Variants in NOL4 observed in about 807,000 individuals in gnomAD.
The protein encoded by NOL4 is cancer/testis antigen 125.
A neutral mutation model predicts 75.9 loss-of-function variants in NOL4; 17 were observed. The ratio of observed to expected loss-of-function variants is 0.22; its 90% CI spans 0.15 to 0.34. The LOEUF (loss-of-function observed/expected upper bound fraction) is 0.34, where lower values mean the gene tolerates loss of function less well. NOL4 is among the 10% of genes least tolerant of loss of function. The pLI is 1.00. For missense variants in NOL4, 614 were observed against 793.5 expected (o/e 0.77, Z 2.72); for synonymous variants, 292 against 289.9 (o/e 1.01, Z -0.07).
At chr18:33,887,183 A>T (rs1384157683) in intron 9 of NOL4, among the ~76,000 whole-genome samples, 1 of 146,250 alleles carries the variant, frequency 6.8e-6, no homozygotes, top group Non-Finnish European at 1.5e-5. Flanking sequence ...TGTATCTATT[A>T]TATACCCACA....
chr18:33,868,874 T>C (rs1214422928), intron 10 of NOL4, among the ~76,000 whole-genome samples: 3 of 152,048 alleles, frequency 2.0e-5, no homozygotes, highest in East Asian at 3.9e-4. Flanking sequence ...CTGTTAAGGA[T>C]ACTATAATAT....
chr18:33,996,050 C>A (rs539825990), intron 6 of NOL4, among the ~76,000 whole-genome samples: 1 of 151,130 alleles, frequency 6.6e-6, no homozygotes, highest in African/African-American at 2.4e-5. Context: ...TCTACTTCAG[C>A]TAATATCATA....
chr18:33,877,022 G>C (rs999288262), intron 10 of NOL4, among the ~76,000 whole-genome samples: 7 of 152,018 alleles, frequency 4.6e-5, no homozygotes, highest in Non-Finnish European at 4.4e-5. Flanking sequence ...TTTGATCTTT[G>C]TTGTTGTTAT....
intron 2 of NOL4, among the ~76,000 whole-genome samples, chr18:34,121,483 C>A (rs2080138112): frequency 6.6e-6 from 1 of 152,186 alleles, no homozygotes; most frequent in African/African-American, 2.4e-5. Context: ...TCCAAGAATA[C>A]AGTTGCTGTA....
intron 4 of NOL4, among the ~76,000 whole-genome samples, chr18:34,094,688 G>T (rs948203056): frequency 1.3e-5 from 2 of 152,194 alleles, no homozygotes; most frequent in African/African-American, 4.8e-5. Flanking sequence ...ACTTTAATTT[G>T]TAAATGTTTG....
chr18:33,918,425 T>C (rs2066852335), intron 9 of NOL4, among the ~76,000 whole-genome samples: 1 of 152,226 alleles, frequency 6.6e-6, no homozygotes, highest in Non-Finnish European at 1.5e-5. Flanking sequence ...AATATATTCT[T>C]ACTGATATAT....
chr18:33,877,178 T>C (rs1278297538), intron 10 of NOL4, among the ~76,000 whole-genome samples: 3 of 151,976 alleles, frequency 2.0e-5, no homozygotes, highest in African/African-American at 7.2e-5. Flanking sequence ...CTGAAGTGTT[T>C]GATGTTATTG....
At chr18:33,941,004 A>C (rs1010922198) in intron 9 of NOL4, among the ~76,000 whole-genome samples, 2 of 152,036 alleles carry the variant, frequency 1.3e-5, no homozygotes, top group African/African-American at 4.8e-5. Context: ...AAACAATGAT[A>C]AATCTCTGAC....
intron 6 of NOL4, 122 bp from the exon 7 acceptor site, chr18:33,958,540 C>A: frequency 4.2e-6 from 3 of 712,578 alleles, no homozygotes; most frequent in Non-Finnish European, 6.4e-6. Context: ...AACTCTAGAG[C>A]TGTGGTGATT....
At chr18:34,010,083 G>A (rs2074284336) in intron 6 of NOL4, among the ~76,000 whole-genome samples, 2 of 151,248 alleles carry the variant, frequency 1.3e-5, no homozygotes, top group Non-Finnish European at 3.0e-5. Flanking sequence ...CCCTAAGATC[G>A]CCATTTTAAA....
At chr18:33,896,836 C>A (rs1807566529) in intron 9 of NOL4, among the ~76,000 whole-genome samples, 1 of 152,052 alleles carries the variant, frequency 6.6e-6, no homozygotes, top group South Asian at 2.1e-4. Flanking sequence ...AACAGACAAC[C>A]TACAGAATGG....
chr18:33,969,631 G>A (rs1374954928), intron 6 of NOL4, among the ~76,000 whole-genome samples: 1 of 151,730 alleles, frequency 6.6e-6, no homozygotes, highest in Non-Finnish European at 1.5e-5. Flanking sequence ...GATGGTATAT[G>A]GTATCTGGTT....
At position 34,223,046 on chromosome 18, in the gene NOL4, C is replaced by A; in HGVS notation, c.208G>T (p.Val70Phe). 6.2e-7 allele frequency: 1 copy of A among 1,613,698 alleles called. No homozygotes were observed. Among genetic ancestry groups the A allele is most frequent in the African/African-American group, 1.3e-5 (1 of 75,024 alleles). The change falls in exon 1 of 11, where the codon GTC (valine) becomes TTC (phenylalanine). Residue 70 changes from valine to phenylalanine, a missense_variant. Transcript: ENST00000261592. ...TTGGCGCCGCCGCCTCCCCCGCGGA[C>A]CTCGTCCGGCTGGCCCAGCTGGAAG... The part of the protein sequence containing the change: ...KGFQLGQPDE[V>F]RGGGGGAKQV...
chr18:33,955,712 T>C (rs950961402), intron 8 of NOL4, among the ~76,000 whole-genome samples: 2 of 152,140 alleles, frequency 1.3e-5, no homozygotes, highest in African/African-American at 2.4e-5. Context: ...TAGAAGAAAC[T>C]TCTGAAATCA....
chr18:34,014,378 T>C (rs1012624414), intron 6 of NOL4, among the ~76,000 whole-genome samples: 5 of 151,978 alleles, frequency 3.3e-5, no homozygotes, highest in Non-Finnish European at 5.9e-5. Flanking sequence ...GCAGTCCTTA[T>C]TGGAAACATT....
In NOL4 at chr18:33,955,651, A is replaced by G. The variant is rs990569544; in HGVS notation, c.1428+1675T>C. ...CACAGTCCCGGTGTTGAGAACAGGT[A>G]AAAGCATTCCATTTCCTCAGGAAAA... On this transcript the variant is annotated intron_variant, in intron 8 of 10. Transcript: ENST00000261592. 3.3e-5 allele frequency among the ~76,000 whole-genome samples: 5 copies of G among 152,232 alleles called. No homozygotes were observed. In the East Asian group the frequency reaches 9.7e-4, roughly 29 times the overall value.
At chr18:34,222,903 G>GC in intron 1 of NOL4, 87 bp downstream of exon 1, 1 of 1,531,384 alleles carries the variant, frequency 6.5e-7, no homozygotes, top group Non-Finnish European at 8.8e-7. Flanking sequence ...GCGGCTCACG[G>GC]CTCCCCCTCT....
At chr18:34,025,159 C>T (rs889810730) in intron 5 of NOL4, among the ~76,000 whole-genome samples, 28 of 152,096 alleles carry the variant, frequency 1.8e-4, no homozygotes, top group Admixed American at 1.6e-3. Context: ...TATTCTTTCC[C>T]TTTATCAAAA....
intron 5 of NOL4, among the ~76,000 whole-genome samples, chr18:34,051,820 A>G (rs1432567276): frequency 6.6e-6 from 1 of 151,972 alleles, no homozygotes; most frequent in Non-Finnish European, 1.5e-5. Flanking sequence ...AGGGGAAATG[A>G]ATGTATTTTA....
Sources: gnomAD v4.1 joint callset for allele counts (sites outside exome capture counted in the v4.1 genomes callset) on GRCh38, gnomAD v4.1.1 for gene constraint, MANE v1.5 for transcripts, NCBI Gene and HGNC (gene_info 2026-07-23, HGNC 2026-07-21) for gene names.